FSTL5: variants seen among roughly 807,000 people sequenced by gnomAD.
The protein encoded by FSTL5 is follistatin-related protein 5.
In FSTL5, 62 loss-of-function variants were observed where a neutral mutation model predicts 89.1. The ratio of observed to expected loss-of-function variants is 0.70; its 90% CI spans 0.57 to 0.86. The LOEUF (loss-of-function observed/expected upper bound fraction) is 0.86, where lower values mean the gene tolerates loss of function less well. Among genes scored for constraint, FSTL5 ranks in the 40% least tolerant of loss-of-function variants. The pLI is 0.00. For synonymous variants in FSTL5, 383 were observed against 346.2 expected (o/e 1.11, Z -1.18); for missense variants, 1,057 against 1,001.6 (o/e 1.06, Z -0.75).
intron 2 of FSTL5, among the ~76,000 whole-genome samples, chr4:162,070,578 G>A (rs1015022052): frequency 1.3e-5 from 2 of 151,762 alleles, no homozygotes; most frequent in African/African-American, 4.8e-5. Context: ...TATATGTCCA[G>A]TTTTCCTAGG....
At chr4:161,836,737 T>C (rs1442247407) in intron 4 of FSTL5, among the ~76,000 whole-genome samples, 1 of 151,998 alleles carries the variant, frequency 6.6e-6, no homozygotes, top group Non-Finnish European at 1.5e-5. Context: ...ATTGTGAAAT[T>C]TTTTATTAAA....
At chr4:161,742,455 C>T (rs1399321221) in intron 6 of FSTL5, among the ~76,000 whole-genome samples, 1 of 152,152 alleles carries the variant, frequency 6.6e-6, no homozygotes, top group African/African-American at 2.4e-5. Flanking sequence ...ACTTTTCATT[C>T]CTCCAGAAAT....
intron 4 of FSTL5, among the ~76,000 whole-genome samples, chr4:161,855,843 T>C (rs1348244484): frequency 2.0e-5 from 3 of 152,104 alleles, no homozygotes; most frequent in Admixed American, 2.0e-4. Context: ...CCAACCTGTA[T>C]TACAAAAGTG....
chr4:161,770,007 T>A (rs1449008142), intron 5 of FSTL5, among the ~76,000 whole-genome samples: 2 of 151,984 alleles, frequency 1.3e-5, no homozygotes, highest in Admixed American at 1.3e-4. Context: ...GTGGCCTGTA[T>A]ACATGATGGA....
At position 161,501,711 on chromosome 4, in the gene FSTL5, G is replaced by A. The variant is rs188811878; in HGVS notation, c.1340-1577C>T. Reference sequence around the variant, plus strand: ...TCCTGAACAGAAGCAGAAGTGGCAAGCAATAGACTCAAGTCACGTTTTATA... The same window carrying A: ...TCCTGAACAGAAGCAGAAGTGGCAAACAATAGACTCAAGTCACGTTTTATA... On this transcript the variant is annotated intron_variant, in intron 11 of 15. Transcript: ENST00000306100. 3.3e-5 allele frequency among the ~76,000 whole-genome samples: 5 copies of A among 152,002 alleles called. No individual in the cohort carries two copies. In the East Asian group the frequency reaches 9.6e-4, roughly 29 times the overall value.
In FSTL5 at chr4:161,386,324, TGTG is replaced by T. The variant is rs1293436064; in HGVS notation, c.1964_1966del (p.Thr655_His656delinsAsn). On this transcript the variant is annotated inframe_deletion, in exon 16 of 16. Coordinates refer to ENST00000306100, the MANE Select transcript of FSTL5 (RefSeq NM_020116.5). ...GCCAATGAAGTAGTAGCCTCCCAAG[TGTG>T]TATATGCCAATGACTGAGGAACGCA... The T allele has an allele frequency of 6.2e-7, 1 of 1,613,918 alleles. No homozygotes were observed. The highest frequency in any genetic ancestry group is 8.5e-7 in the Non-Finnish European group (1 of 1,179,920).
At chr4:161,415,727 T>C (rs2110950316) in intron 15 of FSTL5, among the ~76,000 whole-genome samples, 1 of 145,682 alleles carries the variant, frequency 6.9e-6, no homozygotes, top group African/African-American at 2.5e-5. Flanking sequence ...ATATGGGAGA[T>C]ATATATATGT....
intron 2 of FSTL5, among the ~76,000 whole-genome samples, chr4:162,088,177 T>G (rs573236527): frequency 3.9e-5 from 6 of 151,990 alleles, no homozygotes; most frequent in Non-Finnish European, 8.8e-5. Context: ...AATAAGATTC[T>G]AATCACAAGA....
chr4:161,529,359 G>T (rs2126527924), intron 10 of FSTL5, among the ~76,000 whole-genome samples: 1 of 142,928 alleles, frequency 7.0e-6, no homozygotes, highest in East Asian at 2.4e-4. Flanking sequence ...TATAGAACAA[G>T]TTACCTCACA....
intron 7 of FSTL5, among the ~76,000 whole-genome samples, chr4:161,626,053 T>C (rs1317690099): frequency 6.6e-6 from 1 of 152,138 alleles, no homozygotes; most frequent in African/African-American, 2.4e-5. Flanking sequence ...AAAAAGCCAC[T>C]TCCATAATGT....
intron 3 of FSTL5, 26 bp downstream of exon 3, chr4:162,033,599 G>A: frequency 1.5e-6 from 2 of 1,295,082 alleles, no homozygotes; most frequent in Non-Finnish European, 2.2e-6. Context: ...TTATATAATT[G>A]TTATCTTAAA....
chr4:161,534,882 G>A (rs1731540865), intron 10 of FSTL5, among the ~76,000 whole-genome samples: 1 of 151,878 alleles, frequency 6.6e-6, no homozygotes, highest in African/African-American at 2.4e-5. Context: ...GACACATAGA[G>A]CAATGGAATG....
chr4:161,486,328 C>A (rs757137106), intron 12 of FSTL5, among the ~76,000 whole-genome samples: 5 of 151,928 alleles, frequency 3.3e-5, no homozygotes, highest in South Asian at 2.1e-4. Context: ...AAATAGGGAG[C>A]CTTGGAGATT....
intron 3 of FSTL5, 58 bp from the exon 4 acceptor site, chr4:161,920,710 T>C: frequency 6.8e-7 from 1 of 1,475,062 alleles, no homozygotes; most frequent in Non-Finnish European, 9.2e-7. Flanking sequence ...ATAATATATA[T>C]ATTTCAGAGT....
chr4:161,789,877 G>GT (rs1162211000), intron 4 of FSTL5, among the ~76,000 whole-genome samples: 2 of 152,108 alleles, frequency 1.3e-5, no homozygotes, highest in Non-Finnish European at 2.9e-5. Context: ...TATGTAAAAT[G>GT]AAAAGGTAAT....
At chr4:161,812,246 A>G (rs1192019476) in intron 4 of FSTL5, among the ~76,000 whole-genome samples, 1 of 152,244 alleles carries the variant, frequency 6.6e-6, no homozygotes. Flanking sequence ...TGAAGCAAAC[A>G]TTCTTAGAGA....
chr4:161,513,272 GGAGAGAGAGAGAGA>G (rs6148753), intron 10 of FSTL5, among the ~76,000 whole-genome samples: 2,159 of 110,022 alleles, frequency 0.02, 82 homozygotes, highest in African/African-American at 0.07. Context: ...ACAAGGAGGG[GGAGAGAGAGAGAGA>G]GAGAGAGAGA....
At chr4:161,434,861 A>C in intron 15 of FSTL5, among the ~76,000 whole-genome samples, 1 of 152,168 alleles carries the variant, frequency 6.6e-6, no homozygotes. Flanking sequence ...GCAAATCAAC[A>C]CTGCAGTGAG....
chr4:161,518,554 A>T (rs963995937), intron 10 of FSTL5, among the ~76,000 whole-genome samples: 1 of 152,228 alleles, frequency 6.6e-6, no homozygotes, highest in Non-Finnish European at 1.5e-5. Flanking sequence ...TCACACTGCC[A>T]GTTTAAAGTT....
Sources: allele counts gnomAD v4.1 joint callset (sites outside exome capture counted in the v4.1 genomes callset), GRCh38; gene constraint gnomAD v4.1.1; transcripts MANE v1.5; gene names NCBI Gene and HGNC (gene_info 2026-07-23, HGNC 2026-07-21).